Variants in DCDC2 observed in about 807,000 individuals in gnomAD.
DCDC2 encodes the protein doublecortin domain-containing protein 2.
DCDC2 carries 40 observed loss-of-function variants against 50.2 expected under a neutral mutation model. That is an observed-to-expected ratio of 0.80 (90% CI 0.62 to 1.04). The LOEUF (loss-of-function observed/expected upper bound fraction) is 1.04, where lower values mean the gene tolerates loss of function less well. Ranked by LOEUF, DCDC2 falls within the 50% of genes least tolerant of loss-of-function variation. The pLI is 0.00. For synonymous variants in DCDC2, 234 were observed against 210.6 expected (o/e 1.11, Z -0.96); for missense variants, 570 against 581.9 (o/e 0.98, Z 0.21).
chr6:24,319,970 C>T (rs1000925795), intron 2 of DCDC2, among the ~76,000 whole-genome samples: 4 of 127,632 alleles, frequency 3.1e-5, no homozygotes, highest in African/African-American at 1.1e-4. Flanking sequence ...ATGAACCTAA[C>T]TGTGTTACAA....
intron 7 of DCDC2, among the ~76,000 whole-genome samples, chr6:24,265,126 C>A (rs1017033734): frequency 2.0e-5 from 3 of 151,902 alleles, no homozygotes; most frequent in African/African-American, 7.3e-5. Flanking sequence ...CATAGTGAAA[C>A]CTCATCTCTA....
intron 7 of DCDC2, among the ~76,000 whole-genome samples, chr6:24,252,362 CAT>C (rs1762811694): frequency 6.6e-6 from 1 of 152,170 alleles, no homozygotes; most frequent in East Asian, 1.9e-4. Context: ...AGTCCCACAA[CAT>C]GTGCTAATGA....
intron 2 of DCDC2, among the ~76,000 whole-genome samples, chr6:24,345,758 G>A (rs1417257024): frequency 6.6e-6 from 1 of 152,132 alleles, no homozygotes; most frequent in Non-Finnish European, 1.5e-5. Flanking sequence ...TATTTCTCTT[G>A]TGACTGGTTA....
chr6:24,177,866 C>T (rs188519662), intron 9 of DCDC2, among the ~76,000 whole-genome samples: 2 of 152,314 alleles, frequency 1.3e-5, no homozygotes, highest in Admixed American at 1.3e-4. Context: ...AAAAAGCAAA[C>T]TAACTTCAGT....
chr6:24,271,572 A>G, intron 7 of DCDC2, among the ~76,000 whole-genome samples: 1 of 152,144 alleles, frequency 6.6e-6, no homozygotes. Flanking sequence ...CCAAACCCAG[A>G]TGGATCCCTG....
chr6:24,292,644 G>T (rs760923928), intron 4 of DCDC2, among the ~76,000 whole-genome samples: 12 of 152,236 alleles, frequency 7.9e-5, no homozygotes, highest in Non-Finnish European at 1.3e-4. Flanking sequence ...AAGGCAAGAG[G>T]ATCGCTTGAG....
chr6:24,179,721 G>A (rs562350129), intron 8 of DCDC2, among the ~76,000 whole-genome samples: 37 of 149,130 alleles, frequency 2.5e-4, no homozygotes, highest in East Asian at 2.2e-3. Flanking sequence ...TTGGGAGGCC[G>A]AGGCGGGCAG....
chr6:24,320,446 C>T (rs1301704552), intron 2 of DCDC2, among the ~76,000 whole-genome samples: 1 of 152,184 alleles, frequency 6.6e-6, no homozygotes, highest in African/African-American at 2.4e-5. Flanking sequence ...ATTCTACTGC[C>T]TCAGCTTCCC....
At position 24,357,775 on chromosome 6, in the gene DCDC2, C is replaced by T. The variant is rs1760505792; in HGVS notation, c.-25G>A. The T allele has an allele frequency of 1.9e-6, 3 of 1,612,038 alleles. No individual in the cohort carries two copies. The highest frequency in any genetic ancestry group is 4.5e-5 in the East Asian group (2 of 44,870). On this transcript the variant is annotated 5_prime_UTR_variant, in exon 1 of 10. Transcript: ENST00000378454. Reference sequence around the variant, plus strand: ...TCTTCCCCGCTGGCCGCCGCCTCAGCTCGCTGCTTCGCGTCGGGAGGCACC... The same window carrying T: ...TCTTCCCCGCTGGCCGCCGCCTCAGTTCGCTGCTTCGCGTCGGGAGGCACC...
chr6:24,201,080 A>G (rs966592575), intron 8 of DCDC2, among the ~76,000 whole-genome samples: 6 of 152,048 alleles, frequency 3.9e-5, no homozygotes, highest in Non-Finnish European at 5.9e-5. Flanking sequence ...CCCGCTATCA[A>G]TATAAGACAG....
In DCDC2 at chr6:24,174,672, C is replaced by T; in HGVS notation, c.*58G>A. On this transcript the variant is annotated 3_prime_UTR_variant, in exon 10 of 10. Transcript: ENST00000378454. ...CAGCAATAACTATGTGCTTATCTTTCAAGTATGATAACCCTTCATTTTTCT... is the reference window on the plus strand; with the variant it reads ...CAGCAATAACTATGTGCTTATCTTTTAAGTATGATAACCCTTCATTTTTCT... The T allele has an allele frequency of 8.4e-7, 1 of 1,192,210 alleles. No homozygotes were observed. The highest frequency in any genetic ancestry group is 1.2e-6 in the Non-Finnish European group (1 of 808,892). 73.9% of individuals were successfully genotyped at this position (1,192,210 alleles called of 1,614,324 possible). A position where few individuals can be genotyped will look rare whatever the true frequency, so the allele number is the denominator to read the frequency against.
chr6:24,332,076 C>A (rs868140499), intron 2 of DCDC2, among the ~76,000 whole-genome samples: 24 of 152,260 alleles, frequency 1.6e-4, no homozygotes, highest in African/African-American at 5.5e-4. Context: ...TAAAGGCATG[C>A]GGTAGCTACA....
chr6:24,208,647 G>A (rs889436807), intron 7 of DCDC2, among the ~76,000 whole-genome samples: 8 of 152,168 alleles, frequency 5.3e-5, no homozygotes, highest in Non-Finnish European at 1.0e-4. Flanking sequence ...TGGGATTACA[G>A]GCATGAGCCA....
chr6:24,236,465 TATTCTGGACATTGGC>T (rs1326349941), intron 7 of DCDC2, among the ~76,000 whole-genome samples: 3 of 152,180 alleles, frequency 2.0e-5, no homozygotes, highest in Non-Finnish European at 2.9e-5. Context: ...TAGGAAACAG[TATTCTGGACATTGGC>T]CTTGGCAAAG....
At chr6:24,325,756 CAG>C (rs1309641078) in intron 2 of DCDC2, among the ~76,000 whole-genome samples, 2 of 149,238 alleles carry the variant, frequency 1.3e-5, no homozygotes, top group Admixed American at 6.7e-5. Flanking sequence ...GCCTATAGAG[CAG>C]AGTTTATTCC....
rs960355333 is a variant in DCDC2, at chr6:24,172,960, G to A, written c.*1770C>T. 6.8e-6 allele frequency: 1 copy of A among 148,064 alleles called. No homozygotes were observed. The highest frequency in any genetic ancestry group is 1.5e-5 in the Non-Finnish European group (1 of 66,760). The allele number at this position is 148,064 out of a possible 1,614,324, so 9.2% of individuals were successfully genotyped here. A position where few individuals can be genotyped will look rare whatever the true frequency, so the allele number is the denominator to read the frequency against. ...AAGATCATGCCACTGCACCCAGCCT[G>A]GGCGACAAGAGCAAGACTTCATCTC... On this transcript the variant is annotated 3_prime_UTR_variant, in exon 10 of 10. Coordinates refer to ENST00000378454, the MANE Select transcript of DCDC2 (RefSeq NM_016356.5).
At chr6:24,364,274 T>G in the DCDC2 span, among the ~76,000 whole-genome samples, 407 of 152,292 alleles carry the variant, frequency 2.7e-3, 4 homozygotes, top group African/African-American at 8.1e-3. Context: ...GTTTATTTAT[T>G]TTTAAAAGAT....
At chr6:24,355,421 A>C (rs2127256292) in intron 1 of DCDC2, among the ~76,000 whole-genome samples, 1 of 152,310 alleles carries the variant, frequency 6.6e-6, no homozygotes, top group South Asian at 2.1e-4. Flanking sequence ...TATTTAATAA[A>C]AAATAAAGTA....
At chr6:24,246,479 C>CT (rs4052666) in intron 7 of DCDC2, among the ~76,000 whole-genome samples, 8,158 of 70,672 alleles carry the variant, frequency 0.12, 1,379 homozygotes, top group East Asian at 0.25. Context: ...TTTTCTTTTT[C>CT]TTTTTTTTTT....
Sources: allele counts gnomAD v4.1 joint callset (sites outside exome capture counted in the v4.1 genomes callset), GRCh38; gene constraint gnomAD v4.1.1; transcripts MANE v1.5; gene names NCBI Gene and HGNC (gene_info 2026-07-23, HGNC 2026-07-21).